The following CDH13 variants were observed in gnomAD, a reference collection of about 807,000 sequenced individuals.
CDH13 encodes cadherin 13.
Under a neutral mutation model 63.8 loss-of-function variants are expected in CDH13, and 24 were observed. The observed-to-expected ratio is 0.38, with a 90% CI of 0.27 to 0.53. The LOEUF is 0.53. Ranked by LOEUF, CDH13 falls within the 20% of genes least tolerant of loss-of-function variation. The pLI is 0.85. For synonymous variants in CDH13, 503 were observed against 355.3 expected, an observed-to-expected ratio of 1.42 and a Z score of -4.67; for missense variants, 1,049 against 903.1, an observed-to-expected ratio of 1.16 and a Z score of -2.07.
At chr16:82,896,706 C>T (rs1163522515) in intron 2 of CDH13, among the ~76,000 whole-genome samples, 2 of 145,244 alleles carry the variant, frequency 1.4e-5, no homozygotes, top group South Asian at 2.2e-4. Context: ...AGGTCTGACT[C>T]TCAGTGAATA....
At chr16:83,728,719 C>T (rs569664593) in intron 10 of CDH13, 12 of 152,190 alleles carry the variant, frequency 7.9e-5, no homozygotes, top group African/African-American at 2.6e-4. Context: ...TAGGTTGGGC[C>T]ATGTGAAATT....
At chr16:83,032,375 G>A in intron 3 of CDH13, 157 bp downstream of exon 3, 1 of 611,328 alleles carries the variant, frequency 1.6e-6, no homozygotes, top group South Asian at 2.1e-5. Flanking sequence ...ATGTAGATGA[G>A]GGGCAGCGGG....
At chr16:83,375,927 T>A (rs2091452421) in intron 6 of CDH13, among the ~76,000 whole-genome samples, 1 of 152,104 alleles carries the variant, frequency 6.6e-6, no homozygotes, top group African/African-American at 2.4e-5. Flanking sequence ...GCAGACGTCA[T>A]GCAGAGTGTA....
chr16:83,237,824 G>A (rs72802250), intron 5 of CDH13, among the ~76,000 whole-genome samples: 10,632 of 152,302 alleles, frequency 0.07, 458 homozygotes, highest in Non-Finnish European at 0.093. Flanking sequence ...TATGAAGTAC[G>A]TGGAACTGGG....
At chr16:83,285,584 T>A (rs1397061177) in intron 5 of CDH13, among the ~76,000 whole-genome samples, 1 of 152,182 alleles carries the variant, frequency 6.6e-6, no homozygotes, top group African/African-American at 2.4e-5. Flanking sequence ...GCATTTACAT[T>A]GTATTAGCTA....
chr16:82,998,542 C>T (rs552182474), intron 2 of CDH13, among the ~76,000 whole-genome samples: 16 of 152,234 alleles, frequency 1.1e-4, no homozygotes, highest in African/African-American at 3.8e-4. Flanking sequence ...AGGAAATACT[C>T]TTGACTTCAT....
chr16:83,314,516 A>G (rs2090065899), intron 5 of CDH13, among the ~76,000 whole-genome samples: 1 of 152,160 alleles, frequency 6.6e-6, no homozygotes, highest in Non-Finnish European at 1.5e-5. Context: ...AATATGCCTC[A>G]TCATGGAAAG....
rs549820472 is a variant in CDH13 at position 83,553,596 on chromosome 16, G to A, written c.961-48858G>A. Among the ~76,000 whole-genome samples the A allele has an allele frequency of 7.2e-5, 11 of 152,146 alleles. No individual in the cohort carries two copies. The South Asian group carries it at 8.3e-4, about 12-fold the overall frequency. On this transcript the variant is annotated intron_variant, in intron 7 of 13. Transcript: ENST00000567109. ...TTCTCAGATGGAGTATCGCTCTGTC[G>A]CCCAGGCTGGAGTGCTGAGGCACGG... is the stretch of plus-strand genomic sequence containing the variant.
At chr16:83,387,043 GT>G (rs1163086275) in intron 6 of CDH13, among the ~76,000 whole-genome samples, 1 of 152,172 alleles carries the variant, frequency 6.6e-6, no homozygotes, top group African/African-American at 2.4e-5. Flanking sequence ...GACAAGGGAA[GT>G]TTGGAAAATT....
intron 11 of CDH13, among the ~76,000 whole-genome samples, chr16:83,760,890 G>A (rs1457357475): frequency 1.3e-5 from 2 of 152,210 alleles, no homozygotes; most frequent in Non-Finnish European, 2.9e-5. Context: ...CTTGTTCCAA[G>A]GAAGGGCAAT....
chr16:83,505,441 G>A (rs553671069), intron 7 of CDH13, among the ~76,000 whole-genome samples: 1 of 151,486 alleles, frequency 6.6e-6, no homozygotes, highest in African/African-American at 2.4e-5. Context: ...ATGGGAAACA[G>A]CCTACATGTG....
At chr16:83,791,509 T>C (rs760447228) in intron 13 of CDH13, among the ~76,000 whole-genome samples, 1 of 150,264 alleles carries the variant, frequency 6.7e-6, no homozygotes, top group Non-Finnish European at 1.5e-5. Flanking sequence ...AAAATAAAAA[T>C]AAAAATAAAA....
chr16:83,514,040 C>G (rs1457178626), intron 7 of CDH13, among the ~76,000 whole-genome samples: 1 of 152,142 alleles, frequency 6.6e-6, no homozygotes, highest in African/African-American at 2.4e-5. Context: ...ATGAAACTAT[C>G]TTGTGTGCCT....
At chr16:83,370,404 A>AC in intron 6 of CDH13, among the ~76,000 whole-genome samples, 1 of 150,614 alleles carries the variant, frequency 6.6e-6, no homozygotes, top group South Asian at 2.1e-4. Context: ...AAAAAAAAAA[A>AC]CTTCCATATT....
Position 82,972,311 on chromosome 16 carries a change from G to A in CDH13, c.158-59699G>A, listed in dbSNP as rs138430719. 2.8e-4 allele frequency among the ~76,000 whole-genome samples: 43 copies of A among 152,290 alleles called. No individual in the cohort carries two copies. The East Asian group carries it at 6.7e-3, about 24-fold the overall frequency. ...TGGAGAGTCTGGGTGTGAGAGCTGT[G>A]TTTGGGTGAGAAGCAGGGAATGATT... is the stretch of plus-strand genomic sequence containing the variant. On this transcript the variant is annotated intron_variant, in intron 2 of 13. Transcript: ENST00000567109.
At chr16:83,693,078 A>T (rs763436469) in intron 10 of CDH13, among the ~76,000 whole-genome samples, 1 of 152,150 alleles carries the variant, frequency 6.6e-6, no homozygotes, top group Non-Finnish European at 1.5e-5. Context: ...GTGAGACTCC[A>T]TCTCGAAGAA....
At chr16:82,817,110 C>A (rs555923382) in intron 1 of CDH13, among the ~76,000 whole-genome samples, 6 of 151,978 alleles carry the variant, frequency 3.9e-5, no homozygotes, top group African/African-American at 1.5e-4. Flanking sequence ...CACAGAGAAC[C>A]CTGAAGTCCC....
intron 5 of CDH13, among the ~76,000 whole-genome samples, chr16:83,245,055 G>T (rs966590147): frequency 6.6e-6 from 1 of 152,004 alleles, no homozygotes; most frequent in Non-Finnish European, 1.5e-5. Context: ...CAACCTTGCA[G>T]GCTGGCCTTT....
At chr16:83,647,869 G>A (rs1460684038) in intron 8 of CDH13, among the ~76,000 whole-genome samples, 1 of 152,106 alleles carries the variant, frequency 6.6e-6, no homozygotes, top group Non-Finnish European at 1.5e-5. Context: ...TGATAGCCAC[G>A]ATCCCCATTA....
Sources: allele counts gnomAD v4.1 joint callset (sites outside exome capture counted in the v4.1 genomes callset), GRCh38; gene constraint gnomAD v4.1.1; transcripts MANE v1.5; gene names NCBI Gene and HGNC (gene_info 2026-07-23, HGNC 2026-07-21).